LPL: variants seen among roughly 807,000 people sequenced by gnomAD.
LPL encodes lipoprotein lipase.
A neutral mutation model predicts 52.2 loss-of-function variants in LPL; 43 were observed. That is an observed-to-expected ratio of 0.82 (90% CI 0.64 to 1.06). The LOEUF is 1.06. LPL is among the 50% of genes least tolerant of loss of function. The probability of loss-of-function intolerance (pLI) is 0.00; values close to 1 mark genes in which losing one functional copy is unlikely to be tolerated. For missense variants in LPL, 639 were observed against 585.3 expected (o/e 1.09, Z -0.95); for synonymous variants, 244 against 215.6 (o/e 1.13, Z -1.15).
At chr8:19,951,694 C>T (rs2069935310) in intron 2 of LPL, 75 bp from the exon 3 acceptor site, 1 of 1,500,118 alleles carries the variant, frequency 6.7e-7, no homozygotes. Flanking sequence ...CCATTTCATG[C>T]AGGTGTATTG....
intron 9 of LPL, among the ~76,000 whole-genome samples, chr8:19,964,138 G>A (rs950345492): frequency 2.0e-5 from 3 of 152,030 alleles, no homozygotes; most frequent in Non-Finnish European, 4.4e-5. Context: ...TTTTAGTAGA[G>A]AAAGGGTTTC....
chr8:19,952,019 C>G (rs2128837744), intron 3 of LPL, 71 bp downstream of exon 3: 1 of 1,520,594 alleles, frequency 6.6e-7, no homozygotes, highest in Middle Eastern at 1.7e-4. Flanking sequence ...ACCGGCTGTT[C>G]TTTCTTCCTT....
In LPL at chr8:19,963,530, T is replaced by C. The variant is rs183689105; in HGVS notation, c.1427+1311T>C. On this transcript the variant is annotated intron_variant, in intron 9 of 9. Transcript: ENST00000650287. Reference sequence around the variant, plus strand: ...TTAAATTCTACTTTATAATAGATTTTATACATGTTTACTATAAATAGATTA... The same window carrying C: ...TTAAATTCTACTTTATAATAGATTTCATACATGTTTACTATAAATAGATTA... 3.5e-3 allele frequency among the ~76,000 whole-genome samples: 540 copies of C among 152,210 alleles called. 5 individuals are homozygous for C. The highest frequency in any genetic ancestry group is 0.012 in the African/African-American group (515 of 41,550).
intron 3 of LPL, 25 bp downstream of exon 3, chr8:19,951,973 T>G: frequency 6.2e-7 from 1 of 1,613,922 alleles, no homozygotes; most frequent in Non-Finnish European, 8.5e-7. Context: ...AGGAGACTTA[T>G]GTGTCCAAAA....
At chr8:19,959,179 TG>T (rs2070014830) in intron 6 of LPL, 80 bp from the exon 7 acceptor site, 1 of 1,571,836 alleles carries the variant, frequency 6.4e-7, no homozygotes, top group Non-Finnish European at 8.7e-7. Context: ...GATACTTCTG[TG>T]GTTCTGAATT....
At position 19,948,189 on chromosome 8, in the gene LPL, A is replaced by AT; in HGVS notation, c.102dup (p.Ile35TyrfsTer6). The AT allele has an allele frequency of 6.2e-7, 1 of 1,614,116 alleles. No homozygotes were observed. Among genetic ancestry groups the AT allele is most frequent in the Non-Finnish European group, 8.5e-7 (1 of 1,180,006 alleles). ...AATTTTTCCTTTCCAGAAAGAAGAG[A>AT]TTTTATCGACATCGAAAGTAAATTT... On this transcript the variant is annotated frameshift_variant, in exon 2 of 10. Coordinates refer to ENST00000650287, the MANE Select transcript of LPL (RefSeq NM_000237.3). LOFTEE classifies it high-confidence loss of function.
chr8:19,939,578 C>A lies in LPL; in HGVS notation c.88+50C>A, dbSNP rs886907474. The A allele has an allele frequency of 6.5e-7, 1 of 1,526,996 alleles. No homozygotes were observed. The allele number at this position is 1,526,996 out of a possible 1,614,324, so 94.6% of individuals were successfully genotyped here. A position where few individuals can be genotyped will look rare whatever the true frequency, so the allele number is the denominator to read the frequency against. On this transcript the variant is annotated intron_variant, in intron 1 of 9. Transcript: ENST00000650287. The surrounding 1 kb of genome is among the most constrained non-coding windows in gnomAD (Gnocchi z 4.0). Reference sequence around the variant, plus strand: ...TCCACCTGCAGACCCGGCGGGTGGCCACTGCCACCCGAACTGAGGATGAGA... The same window carrying A: ...TCCACCTGCAGACCCGGCGGGTGGCAACTGCCACCCGAACTGAGGATGAGA...
At chr8:19,940,884 A>G (rs545818467) in intron 1 of LPL, among the ~76,000 whole-genome samples, 1 of 152,316 alleles carries the variant, frequency 6.6e-6, no homozygotes, top group Non-Finnish European at 1.5e-5. Context: ...TGAGCCCAGA[A>G]GTTCGAAATC....
rs1236878976 is a variant in LPL at position 19,954,354 on chromosome 8, G to C, written c.775+1G>C. The C allele has an allele frequency of 6.2e-7, 1 of 1,612,040 alleles. No individual in the cohort carries two copies. Among genetic ancestry groups the C allele is most frequent in the East Asian group, 2.2e-5 (1 of 44,878 alleles). ...GTGATTGCAGAGAGAGGACTTGGAG[G>C]TAAATATTATTTAGAAGCGAATTAA... On this transcript the variant is annotated splice_donor_variant, in intron 5 of 9. Coordinates refer to ENST00000650287, the MANE Select transcript of LPL (RefSeq NM_000237.3). LOFTEE classifies it high-confidence loss of function.
At chr8:19,940,904 A>G (rs1467427373) in intron 1 of LPL, among the ~76,000 whole-genome samples, 2 of 152,154 alleles carry the variant, frequency 1.3e-5, no homozygotes, top group African/African-American at 2.4e-5. Flanking sequence ...CAGCCTGGGC[A>G]ACATAGGGAG....
chr8:19,955,601 T>G (rs1020661897), intron 5 of LPL, among the ~76,000 whole-genome samples: 8 of 152,166 alleles, frequency 5.3e-5, no homozygotes, highest in African/African-American at 1.9e-4. Flanking sequence ...CTCATAAATA[T>G]AAGAAGCACA....
chr8:19,947,562 C>T (rs181959877), intron 1 of LPL, among the ~76,000 whole-genome samples: 2 of 151,990 alleles, frequency 1.3e-5, no homozygotes, highest in African/African-American at 2.4e-5. Flanking sequence ...CACTTGAGTT[C>T]GAGGGTGCAG....
At chr8:19,954,091 T>A in intron 4 of LPL, 29 bp from the exon 5 acceptor site, 1 of 1,511,686 alleles carries the variant, frequency 6.6e-7, no homozygotes, top group Non-Finnish European at 9.2e-7. Context: ...AATTTACAAA[T>A]CTGTGTTCCT....
At chr8:19,963,652 T>C (rs1364109003) in intron 9 of LPL, among the ~76,000 whole-genome samples, 1 of 152,138 alleles carries the variant, frequency 6.6e-6, no homozygotes, top group Non-Finnish European at 1.5e-5. Context: ...GGACTTTATA[T>C]ATACATAATA....
At position 19,963,649 on chromosome 8, in the gene LPL, A is replaced by G. The variant is rs571821512; in HGVS notation, c.1427+1430A>G. ...TTTTATTTATATTCTTTCGGACTTTATATATACATAATATTTATATGTTTT... is the reference window on the plus strand; with the variant it reads ...TTTTATTTATATTCTTTCGGACTTTGTATATACATAATATTTATATGTTTT... On this transcript the variant is annotated intron_variant, in intron 9 of 9. Coordinates refer to ENST00000650287, the MANE Select transcript of LPL (RefSeq NM_000237.3). Among the ~76,000 whole-genome samples the G allele has an allele frequency of 8.7e-4, 133 of 152,258 alleles. 1 individual carries two copies. Among genetic ancestry groups the G allele is most frequent in the African/African-American group, 3.0e-3 (125 of 41,542 alleles).
Position 19,967,125 on chromosome 8 carries a change from C to T in LPL, c.*1815C>T, listed in dbSNP as rs1394730319. On this transcript the variant is annotated 3_prime_UTR_variant, in exon 10 of 10. Transcript: ENST00000650287. ...AATGTGTGGTGCTAACTGTATGTGT[C>T]TTTATCAGTGATGGTCTCACAGAGC... The T allele has an allele frequency of 6.6e-6, 1 of 152,560 alleles. No individual in the cohort carries two copies. Among genetic ancestry groups the T allele is most frequent in the Non-Finnish European group, 1.5e-5 (1 of 68,030 alleles). 9.5% of individuals were successfully genotyped at this position (152,560 alleles called of 1,614,324 possible). A position where few individuals can be genotyped will look rare whatever the true frequency, so the allele number is the denominator to read the frequency against.
intron 6 of LPL, among the ~76,000 whole-genome samples, chr8:19,958,089 A>T (rs1276614596): frequency 6.6e-6 from 1 of 151,680 alleles, no homozygotes; most frequent in African/African-American, 2.4e-5. Flanking sequence ...GCGCAATCTT[A>T]GCTCACTGCA....
At chr8:19,960,789 T>C in intron 7 of LPL, 112 bp from the exon 8 acceptor site, 1 of 775,526 alleles carries the variant, frequency 1.3e-6, no homozygotes, top group East Asian at 2.6e-5. Flanking sequence ...TGTGCATTTT[T>C]AAAATATCCC....
chr8:19,940,320 G>A (rs886645392), intron 1 of LPL, among the ~76,000 whole-genome samples: 11 of 152,320 alleles, frequency 7.2e-5, no homozygotes, highest in Admixed American at 3.3e-4. Flanking sequence ...TCGGGGGGTT[G>A]CCAGGTCTGC....
Sources: allele counts gnomAD v4.1 joint callset (sites outside exome capture counted in the v4.1 genomes callset), GRCh38; gene constraint gnomAD v4.1.1; non-coding constraint Gnocchi (gnomAD v3.1); transcripts MANE v1.5; gene names NCBI Gene and HGNC (gene_info 2026-07-23, HGNC 2026-07-21).